SLC9C2: variants seen among roughly 807,000 people sequenced by gnomAD.
SLC9C2 encodes solute carrier family 9 member C2 (putative), also known as sodium/hydrogen exchanger 11.
A neutral mutation model predicts 140.2 loss-of-function variants in SLC9C2; 75 were observed. The ratio of observed to expected loss-of-function variants is 0.53; its 90% CI spans 0.44 to 0.65. SLC9C2 has a LOEUF of 0.65. Among genes scored for constraint, SLC9C2 ranks in the 30% least tolerant of loss-of-function variants. The pLI, the probability that SLC9C2 is intolerant of heterozygous loss-of-function variation, is 0.00. For missense variants in SLC9C2, 1,074 were observed against 1,331.8 expected (o/e 0.81, Z 3.01); for synonymous variants, 375 against 420.9 (o/e 0.89, Z 1.34).
intron 17 of SLC9C2, among the ~76,000 whole-genome samples, chr1:173,531,729 C>G (rs942491215): frequency 2.0e-5 from 3 of 152,148 alleles, no homozygotes; most frequent in African/African-American, 7.2e-5. Flanking sequence ...CGCCGCCAGC[C>G]CATAGAGCTG....
Position 173,503,313 on chromosome 1 carries a change from C to T in SLC9C2, c.3324G>A (p.Thr1108=), listed in dbSNP as rs543572568. 13 of 1,613,596 alleles carry T rather than the reference C, an allele frequency of 8.1e-6. No homozygotes were observed. Among genetic ancestry groups the T allele is most frequent in the South Asian group, 7.7e-5 (7 of 91,020 alleles). The part of the protein sequence containing the change: ...SNTNVMASVN[T]VFEQPGKNIN... ...TATTCTTTCCTGGTTGTTCAAAGAC[C>T]GTGTTGACTGAGGCTAACCAAATCC... Residue 1108 remains threonine, a synonymous_variant, in exon 27 of 28, where the codon ACG becomes ACA. Transcript: ENST00000367714.
intron 22 of SLC9C2, among the ~76,000 whole-genome samples, chr1:173,519,527 A>G (rs191452627): frequency 1.3e-5 from 2 of 152,354 alleles, no homozygotes; most frequent in Admixed American, 6.5e-5. Context: ...TTGTTATGGT[A>G]TCAAAAAAGT....
chr1:173,601,039 G>A (rs1448861337), intron 2 of SLC9C2, among the ~76,000 whole-genome samples: 1 of 152,146 alleles, frequency 6.6e-6, no homozygotes, highest in Non-Finnish European at 1.5e-5. Flanking sequence ...CTCTATACCT[G>A]TTGAATTCTT....
At chr1:173,582,341 T>G (rs1412747752) in intron 6 of SLC9C2, among the ~76,000 whole-genome samples, 1 of 152,202 alleles carries the variant, frequency 6.6e-6, no homozygotes, top group African/African-American at 2.4e-5. Context: ...AATTAAAAAT[T>G]TTTAGATAAA....
chr1:173,517,158 A>G (rs1030275304), intron 23 of SLC9C2, among the ~76,000 whole-genome samples: 5 of 152,166 alleles, frequency 3.3e-5, no homozygotes, highest in Non-Finnish European at 7.4e-5. Context: ...TTTTTAATGG[A>G]GTTGTTTTAA....
At chr1:173,579,897 GC>G (rs1047606102) in intron 7 of SLC9C2, among the ~76,000 whole-genome samples, 1 of 152,208 alleles carries the variant, frequency 6.6e-6, no homozygotes, top group African/African-American at 2.4e-5. Flanking sequence ...CATCCTACCT[GC>G]CTGCCCTCAA....
At chr1:173,587,995 G>A (rs563566471) in intron 4 of SLC9C2, among the ~76,000 whole-genome samples, 165 bp from the exon 5 acceptor site, 7 of 152,144 alleles carry the variant, frequency 4.6e-5, no homozygotes, top group South Asian at 2.1e-4. Flanking sequence ...CAAAGAAACC[G>A]CCCCTTTCAA....
chr1:173,598,042 CAA>C lies in SLC9C2; in HGVS notation c.229-12_229-11del. 1.3e-6 allele frequency: 2 copies of C among 1,570,652 alleles called. No individual in the cohort carries two copies. The highest frequency in any genetic ancestry group is 2.3e-5 in the South Asian group (2 of 85,336). ...AGACAATTTGGTGCACCTAAAGTAA[CAA>C]AGGCAAACAAGAAATTAGTTTGCTA... On this transcript the variant is annotated splice_polypyrimidine_tract_variant and intron_variant, in intron 3 of 27. Transcript: ENST00000367714.
intron 19 of SLC9C2, among the ~76,000 whole-genome samples, chr1:173,526,348 C>A (rs1304743248): frequency 6.6e-6 from 1 of 152,190 alleles, no homozygotes; most frequent in Non-Finnish European, 1.5e-5. Context: ...AGGACTCTGA[C>A]CTTGCCACCT....
In SLC9C2 at chr1:173,526,654, A is replaced by G. The variant is rs1379684994; in HGVS notation, c.2365+9T>C. 1.3e-6 allele frequency: 2 copies of G among 1,587,000 alleles called. No homozygotes were observed. Among genetic ancestry groups the G allele is most frequent in the Non-Finnish European group, 8.5e-7 (1 of 1,171,628 alleles). Reference sequence around the variant, plus strand: ...TGACTTTAAGAACTCAGATACTTCAACTACCTACCTAATTCTTTGACAGCA... The same window carrying G: ...TGACTTTAAGAACTCAGATACTTCAGCTACCTACCTAATTCTTTGACAGCA... On this transcript the variant is annotated intron_variant, in intron 19 of 27. Transcript: ENST00000367714.
At chr1:173,569,270 A>C (rs561350091) in intron 9 of SLC9C2, among the ~76,000 whole-genome samples, 1 of 151,840 alleles carries the variant, frequency 6.6e-6, no homozygotes, top group Non-Finnish European at 1.5e-5. Context: ...TCTGCTATTA[A>C]GAGACTCTAA....
chr1:173,561,310 T>C (rs1040410478), intron 9 of SLC9C2, among the ~76,000 whole-genome samples: 3 of 152,144 alleles, frequency 2.0e-5, no homozygotes, highest in African/African-American at 7.2e-5. Flanking sequence ...GGGGTTGCTG[T>C]TTGCCTGGGA....
rs556008954 is a variant in SLC9C2, at chr1:173,521,448, G to C, written c.2641-49C>G. The C allele has an allele frequency of 2.4e-5, 19 of 807,998 alleles. No homozygotes were observed. The South Asian group carries it at 5.2e-4, about 22-fold the overall frequency. The allele number at this position is 807,998 out of a possible 1,614,324, so 50.1% of individuals were successfully genotyped here. Reference sequence around the variant, plus strand: ...AAAGAAAAAGAGAGTCAACACAAAAGCTTCCTAGTCTACTTTTCTAAATAT... The same window carrying C: ...AAAGAAAAAGAGAGTCAACACAAAACCTTCCTAGTCTACTTTTCTAAATAT... On this transcript the variant is annotated intron_variant, in intron 21 of 27. Coordinates refer to ENST00000367714, the MANE Select transcript of SLC9C2 (RefSeq NM_178527.4).
intron 7 of SLC9C2, among the ~76,000 whole-genome samples, chr1:173,579,083 G>C (rs1479246997): frequency 6.6e-6 from 1 of 152,172 alleles, no homozygotes; most frequent in Non-Finnish European, 1.5e-5. Context: ...TGCTGACTCT[G>C]GGATGTATTT....
chr1:173,561,528 T>C (rs1447799065), intron 9 of SLC9C2, among the ~76,000 whole-genome samples: 1 of 152,178 alleles, frequency 6.6e-6, no homozygotes, highest in East Asian at 1.9e-4. Context: ...TACCCTTAGT[T>C]CCAGCTCTTC....
intron 4 of SLC9C2, among the ~76,000 whole-genome samples, chr1:173,594,130 G>GATACATT (rs1360876210): frequency 2.6e-5 from 4 of 152,124 alleles, no homozygotes; most frequent in African/African-American, 9.7e-5. Context: ...AGACAAAACA[G>GATACATT]ATACATTTTC....
intron 9 of SLC9C2, among the ~76,000 whole-genome samples, chr1:173,572,501 T>C (rs1025637970): frequency 2.0e-5 from 3 of 152,196 alleles, no homozygotes; most frequent in African/African-American, 7.2e-5. Flanking sequence ...TTTGGAGACA[T>C]TGCCATAAAT....
intron 13 of SLC9C2, among the ~76,000 whole-genome samples, chr1:173,540,266 G>A (rs1297374966): frequency 1.3e-5 from 2 of 152,144 alleles, no homozygotes; most frequent in African/African-American, 2.4e-5. Flanking sequence ...AGCTGATCTA[G>A]GAAATGACCA....
chr1:173,528,392 C>CT (rs1558033442), intron 18 of SLC9C2, among the ~76,000 whole-genome samples: 1 of 152,184 alleles, frequency 6.6e-6, no homozygotes, highest in African/African-American at 2.4e-5. Flanking sequence ...TAACTCCCCC[C>CT]ACTGTCTCTT....
Sources: gnomAD v4.1 joint callset for allele counts (sites outside exome capture counted in the v4.1 genomes callset) on GRCh38, gnomAD v4.1.1 for gene constraint, MANE v1.5 for transcripts, NCBI Gene and HGNC (gene_info 2026-07-23, HGNC 2026-07-21) for gene names.